ANK3: variants seen among roughly 807,000 people sequenced by gnomAD.
ANK3 encodes the protein ankyrin 3.
A neutral mutation model predicts 370.9 loss-of-function variants in ANK3; 57 were observed. That is an observed-to-expected ratio of 0.15 (90% CI 0.12 to 0.19). ANK3 has a LOEUF of 0.19. ANK3 is among the 10% of genes least tolerant of loss of function. The pLI, the probability that ANK3 is intolerant of heterozygous loss-of-function variation, is 1.00. For missense variants in ANK3, 4,439 were observed against 5,302.1 expected (o/e 0.84, Z 5.06); for synonymous variants, 1,929 against 1,946.3 (o/e 0.99, Z 0.23).
In ANK3 at chr10:60,026,426, A is replaced by C. The variant is rs2072408554; in HGVS notation, c.*3420T>G. 2 of 152,256 alleles carry C rather than the reference A, an allele frequency of 1.3e-5. No homozygotes were observed. The highest frequency in any genetic ancestry group is 1.5e-5 in the Non-Finnish European group (1 of 68,048). The allele number at this position is 152,256 out of a possible 1,614,324, so 9.4% of individuals were successfully genotyped here. A position where few individuals can be genotyped will look rare whatever the true frequency, so the allele number is the denominator to read the frequency against. On this transcript the variant is annotated 3_prime_UTR_variant, in exon 44 of 44. Coordinates refer to ENST00000280772, the MANE Select transcript of ANK3 (RefSeq NM_020987.5). ...CACAGCCTCTTCAAGCAAATCAAGA[A>C]TACCAAGACTCACTCAGATATGAAG...
intron 1 of ANK3, among the ~76,000 whole-genome samples, chr10:60,385,171 C>G (rs1393660621): frequency 1.3e-5 from 2 of 152,124 alleles, no homozygotes; most frequent in African/African-American, 4.8e-5. Flanking sequence ...GCTCTGGCAC[C>G]TGCTTACTTT....
rs61855351 is a variant in ANK3 at position 60,569,557 on chromosome 10, T to C, written c.96+45629A>G. Among the ~76,000 whole-genome samples the C allele has an allele frequency of 5.4e-3, 825 of 152,262 alleles. 7 individuals are homozygous for C. Among genetic ancestry groups the C allele is most frequent in the South Asian group, 0.014 (68 of 4,822 alleles). On this transcript the variant is annotated intron_variant, in intron 2 of 43. Coordinates refer to the ANK3 transcript ENST00000373827. ...ACATTCCAGAACAAAACACAGAAAT[T>C]ATTAGAAAAAGCATTTCCTAACACC...
intron 2 of ANK3, among the ~76,000 whole-genome samples, chr10:60,454,277 T>C (rs1054905967): frequency 2.0e-5 from 3 of 152,176 alleles, no homozygotes; most frequent in African/African-American, 7.2e-5. Flanking sequence ...CTGTTCTGTA[T>C]ACACTGGAAA....
At chr10:60,285,754 T>G (rs2098234793) in intron 1 of ANK3, among the ~76,000 whole-genome samples, 2 of 152,056 alleles carry the variant, frequency 1.3e-5, no homozygotes, top group African/African-American at 4.8e-5. Context: ...ATTCCCTCAC[T>G]CAACAACAGC....
chr10:60,088,183 C>G lies in ANK3; in HGVS notation c.3504G>C (p.Glu1168Asp). The change falls in exon 29 of 44, where the codon GAG becomes GAC. Residue 1168 changes from glutamate (E) to aspartate (D), a missense_variant. Transcript: ENST00000280772. ...CTCGAATTCTTTTAGTTAGGGCACCCTCTGGGAAAGATGCTTGAACAAGGG... is the reference window on the plus strand; with the variant it reads ...CTCGAATTCTTTTAGTTAGGGCACCGTCTGGGAAAGATGCTTGAACAAGGG... Reference protein sequence around the residue: ...TVPLVQASFPEGALTKRIRVG... With the variant: ...TVPLVQASFPDGALTKRIRVG... The G allele has an allele frequency of 3.1e-6, 5 of 1,614,172 alleles. No homozygotes were observed. The highest frequency in any genetic ancestry group is 3.4e-6 in the Non-Finnish European group (4 of 1,180,022).
chr10:60,167,721 A>G (rs1295451624), intron 21 of ANK3, among the ~76,000 whole-genome samples: 1 of 152,050 alleles, frequency 6.6e-6, no homozygotes, highest in Non-Finnish European at 1.5e-5. Context: ...GTACAAGGGA[A>G]GATACACGTT....
chr10:60,474,768 C>G (rs2075014337), intron 2 of ANK3, among the ~76,000 whole-genome samples: 1 of 152,068 alleles, frequency 6.6e-6, no homozygotes, highest in Admixed American at 6.6e-5. Context: ...ATTCCATACT[C>G]ATTTTGAAAA....
At chr10:60,087,743 C>G (rs907783436) in intron 29 of ANK3, among the ~76,000 whole-genome samples, 7 of 152,220 alleles carry the variant, frequency 4.6e-5, no homozygotes, top group African/African-American at 1.7e-4. Context: ...CAAGTTCCAA[C>G]TGGTTTGGAT....
chr10:60,522,139 T>G (rs1276761616), intron 2 of ANK3, among the ~76,000 whole-genome samples: 1 of 152,004 alleles, frequency 6.6e-6, no homozygotes, highest in African/African-American at 2.4e-5. Context: ...ATCAATGCAA[T>G]TCCTTGCAGC....
intron 9 of ANK3, among the ~76,000 whole-genome samples, chr10:60,211,788 C>T (rs1230663833): frequency 6.6e-6 from 1 of 150,708 alleles, no homozygotes; most frequent in Non-Finnish European, 1.5e-5. Flanking sequence ...CCACTGCCAC[C>T]TGATCAGCAC....
At chr10:60,280,979 G>A (rs1186712251) in intron 1 of ANK3, among the ~76,000 whole-genome samples, 3 of 152,274 alleles carry the variant, frequency 2.0e-5, no homozygotes, top group East Asian at 3.9e-4. Context: ...AATAAGCAGA[G>A]GAGGCAGATT....
chr10:60,082,741 G>A lies in ANK3; in HGVS notation c.4201-4C>T. The A allele has an allele frequency of 6.2e-7, 1 of 1,609,790 alleles. No individual in the cohort carries two copies. The highest frequency in any genetic ancestry group is 8.5e-7 in the Non-Finnish European group (1 of 1,178,996). On this transcript the variant is annotated splice_polypyrimidine_tract_variant and splice_region_variant and intron_variant, in intron 33 of 43. Transcript: ENST00000280772. ...GCTCTTGGCTGGTGTCTCTAATCTAGAAGAATTTTGGTAGTTGATGGTTAT... is the reference window on the plus strand; with the variant it reads ...GCTCTTGGCTGGTGTCTCTAATCTAAAAGAATTTTGGTAGTTGATGGTTAT...
chr10:60,693,564 G>C, intron 1 of ANK3, among the ~76,000 whole-genome samples: 1 of 152,210 alleles, frequency 6.6e-6, no homozygotes. Flanking sequence ...AGAACGGGCA[G>C]ACTGCCTCCT....
At chr10:60,243,162 A>G (rs2097497905) in intron 7 of ANK3, among the ~76,000 whole-genome samples, 1 of 152,204 alleles carries the variant, frequency 6.6e-6, no homozygotes, top group Non-Finnish European at 1.5e-5. Context: ...AATTAACCTT[A>G]GGTAAGTTTA....
Position 60,070,324 on chromosome 10 carries a change from G to A in ANK3, c.10557C>T (p.Tyr3519=), listed in dbSNP as rs1275636086. 1 of 1,614,170 alleles carries A rather than the reference G, an allele frequency of 6.2e-7. No individual in the cohort carries two copies. Among genetic ancestry groups the A allele is most frequent in the Admixed American group, 1.7e-5 (1 of 60,022 alleles). ...ATTCTTCATCTACTTTGTAACTGAA[G>A]TAAGTATCAGGAAACACTGATCTGT... ...HPDRSVFPDT[Y]FSYKVDEEFA... The change falls in exon 37 of 44, where the codon TAC becomes TAT. Residue 3519 remains tyrosine (Y), a synonymous_variant. Coordinates refer to ENST00000280772, the MANE Select transcript of ANK3 (RefSeq NM_020987.5). This position sits in a 1 kb window ranked among gnomAD's most constrained non-coding sequence, Gnocchi z 5.7.
At chr10:60,430,634 C>T (rs761796745) in intron 2 of ANK3, among the ~76,000 whole-genome samples, 7 of 152,100 alleles carry the variant, frequency 4.6e-5, no homozygotes, top group Admixed American at 2.6e-4. Context: ...CCTAGTTACA[C>T]GTATTACTGC....
intron 28 of ANK3, among the ~76,000 whole-genome samples, chr10:60,102,758 C>T (rs2091495561): frequency 6.6e-6 from 1 of 152,052 alleles, no homozygotes; most frequent in South Asian, 2.1e-4. Flanking sequence ...CAGAGAAGAA[C>T]CTACAACAGG....
intron 2 of ANK3, among the ~76,000 whole-genome samples, chr10:60,611,079 C>T (rs2133317521): frequency 6.6e-6 from 1 of 152,232 alleles, no homozygotes; most frequent in African/African-American, 2.4e-5. Flanking sequence ...TATAACTATT[C>T]TTAATATTTT....
chr10:60,217,842 CT>C (rs1344070742), intron 8 of ANK3, among the ~76,000 whole-genome samples: 1 of 152,062 alleles, frequency 6.6e-6, no homozygotes, highest in East Asian at 1.9e-4. Flanking sequence ...CTGTCTAATA[CT>C]GAGAATGGGA....
Sources: gnomAD v4.1 joint callset for allele counts (sites outside exome capture counted in the v4.1 genomes callset) on GRCh38, gnomAD v4.1.1 for gene constraint, Gnocchi (gnomAD v3.1) non-coding constraint, MANE v1.5 for transcripts, NCBI Gene and HGNC (gene_info 2026-07-23, HGNC 2026-07-21) for gene names.